The following FAM181A variants were observed in gnomAD, a reference collection of about 807,000 sequenced individuals.
FAM181A encodes family with sequence similarity 181 member A, also known as protein FAM181A.
A neutral mutation model predicts 16.3 loss-of-function variants in FAM181A; 7 were observed. The observed-to-expected ratio is 0.43, with a 90% CI of 0.24 to 0.81. The LOEUF (loss-of-function observed/expected upper bound fraction) is 0.81, where lower values mean the gene tolerates loss of function less well. Ranked by LOEUF, FAM181A falls within the 30% of genes least tolerant of loss-of-function variation. The probability of loss-of-function intolerance (pLI) is 0.24; values close to 1 mark genes in which losing one functional copy is unlikely to be tolerated. For missense variants in FAM181A, 349 were observed against 377.5 expected (o/e 0.92, Z 0.63); for synonymous variants, 183 against 164.9 (o/e 1.11, Z -0.84).
upstream of FAM181A, among the ~76,000 whole-genome samples, chr14:93,923,046 C>T (rs1159390964): frequency 6.6e-6 from 1 of 152,090 alleles, no homozygotes; most frequent in Non-Finnish European, 1.5e-5. Context: ...ACAATCTCAG[C>T]TCACTGCAAC....
At chr14:93,921,424 G>T (rs567762832) in intron 1 of FAM181A, among the ~76,000 whole-genome samples, 2 of 152,292 alleles carry the variant, frequency 1.3e-5, no homozygotes, top group East Asian at 3.9e-4. Flanking sequence ...GCCACACCAG[G>T]CAACTTCACC....
upstream of FAM181A, among the ~76,000 whole-genome samples, chr14:93,924,687 G>A (rs1000047764): frequency 6.6e-6 from 1 of 152,222 alleles, no homozygotes; most frequent in Non-Finnish European, 1.5e-5. Context: ...GAGAAAATCT[G>A]GTCTTCCTGG....
upstream of FAM181A, chr14:93,922,472 C>G (rs1307589133): frequency 6.6e-6 from 1 of 152,004 alleles, no homozygotes; most frequent in Non-Finnish European, 1.5e-5. Flanking sequence ...GGCGGATCAC[C>G]TGAGGTCAGG....
In FAM181A at chr14:93,929,022, C is replaced by T; in HGVS notation, c.737C>T (p.Pro246Leu). 1 of 1,607,140 alleles carries T rather than the reference C, an allele frequency of 6.2e-7. No individual in the cohort carries two copies. Among genetic ancestry groups the T allele is most frequent in the Non-Finnish European group, 8.5e-7 (1 of 1,175,904 alleles). ...VPSLGLWRKS[P>L]AFPGELAHLC... Reference sequence around the variant, plus strand: ...AGCCTGGGCCTTTGGAGGAAGAGCCCAGCCTTTCCCGGGGAGCTGGCGCAC... The same window carrying T: ...AGCCTGGGCCTTTGGAGGAAGAGCCTAGCCTTTCCCGGGGAGCTGGCGCAC... The change falls in exon 2 of 2, where the codon CCA becomes CTA. Residue 246 changes from proline (P) to leucine (L), a missense_variant. Transcript: ENST00000556222.
At chr14:93,921,660 G>A (rs929549572) in intron 1 of FAM181A, among the ~76,000 whole-genome samples, 2 of 152,228 alleles carry the variant, frequency 1.3e-5, no homozygotes, top group African/African-American at 4.8e-5. Context: ...TCCTCCGCGT[G>A]GCCTTTGTTA....
chr14:93,920,416 AAAG>A (rs1476617687), intron 1 of FAM181A, among the ~76,000 whole-genome samples: 3 of 152,078 alleles, frequency 2.0e-5, no homozygotes, highest in African/African-American at 4.8e-5. Flanking sequence ...TGTCTCAAAA[AAAG>A]AAGAAAGAAA....
At chr14:93,925,170 C>G, upstream of FAM181A, 1 of 1,057,126 alleles carries the variant, frequency 9.5e-7, no homozygotes, top group Non-Finnish European at 1.4e-6. Context: ...AAAGGAGAGA[C>G]AGCTTCATGA....
upstream of FAM181A, chr14:93,927,331 C>T: frequency 2.7e-6 from 3 of 1,093,340 alleles, no homozygotes; most frequent in Non-Finnish European, 3.4e-6. Context: ...TCCATTCAGC[C>T]CACTCAAGGG....
chr14:93,924,870 G>A (rs1253196891), upstream of FAM181A, among the ~76,000 whole-genome samples: 2 of 152,200 alleles, frequency 1.3e-5, no homozygotes, highest in African/African-American at 4.8e-5. Flanking sequence ...ATTTGTCAGG[G>A]CAACCACAAC....
At chr14:93,927,062 C>CACACACA (rs1415891809), upstream of FAM181A, 7 of 33,688 alleles carry the variant, frequency 2.1e-4, 1 homozygote, top group South Asian at 7.1e-4. Flanking sequence ...ACACACACAC[C>CACACACA]CCACCCCCTT....
In FAM181A at chr14:93,927,645, C is replaced by A. The variant is rs1189838601; in HGVS notation, c.-88+191C>A. The A allele has an allele frequency of 9.4e-6, 12 of 1,282,596 alleles. No homozygotes were observed. In the East Asian group the frequency reaches 6.8e-4, roughly 72 times the overall value. The allele number at this position is 1,282,596 out of a possible 1,614,324, so 79.5% of individuals were successfully genotyped here. ...CCGCAAGGCAGGTCTCGATTAAGTG[C>A]CAGACAGGGGTCCTGCCTGGTCCTG... On this transcript the variant is annotated intron_variant, in intron 1 of 1. Coordinates refer to ENST00000556222, the MANE Select transcript of FAM181A (RefSeq NM_001207073.2).
chr14:93,929,137 C>A lies in FAM181A; in HGVS notation c.852C>A (p.Pro284=). 1 of 1,520,976 alleles carries A rather than the reference C, an allele frequency of 6.6e-7. No individual in the cohort carries two copies. Among genetic ancestry groups the A allele is most frequent in the Non-Finnish European group, 8.8e-7 (1 of 1,136,282 alleles). The allele number at this position is 1,520,976 out of a possible 1,614,324, so 94.2% of individuals were successfully genotyped here. ...PIPTKPAVPP[P]IFNVFGYL ...CCACCAAGCCAGCCGTGCCCCCACC[C>A]ATCTTCAATGTCTTTGGCTACCTCT... The change falls in exon 2 of 2, where the codon CCC becomes CCA. Residue 284 remains proline, a synonymous_variant. Transcript: ENST00000556222.
chr14:93,928,818 G>A lies in FAM181A; in HGVS notation c.533G>A (p.Gly178Glu). 6.2e-7 allele frequency: 1 copy of A among 1,614,010 alleles called. No individual in the cohort carries two copies. The change falls in exon 2 of 2, where the codon GGA becomes GAA. Residue 178 changes from glycine (G) to glutamate (E), a missense_variant. Transcript: ENST00000556222. ...KKNCKGLEPL[G>E]PETTLVSMSP... Reference sequence around the variant, plus strand: ...AATTGCAAGGGCTTGGAGCCCCTGGGACCTGAGACTACCCTGGTGTCCATG... The same window carrying A: ...AATTGCAAGGGCTTGGAGCCCCTGGAACCTGAGACTACCCTGGTGTCCATG...
chr14:93,928,056 A>G, intron 1 of FAM181A, 143 bp from the exon 2 acceptor site: 1 of 1,341,310 alleles, frequency 7.5e-7, no homozygotes, highest in Non-Finnish European at 1.0e-6. Context: ...AGCCACTTGC[A>G]CCCACATCCC....
Position 93,928,831 on chromosome 14 carries a change from C to T in FAM181A, c.546C>T (p.Thr182=), listed in dbSNP as rs1168804333. The T allele has an allele frequency of 3.1e-6, 5 of 1,613,932 alleles. No individual in the cohort carries two copies. Among genetic ancestry groups the T allele is most frequent in the Non-Finnish European group, 4.2e-6 (5 of 1,179,952 alleles). The part of the protein sequence containing the change: ...KGLEPLGPET[T]LVSMSPRALA... ...TGGAGCCCCTGGGACCTGAGACTACCCTGGTGTCCATGTCTCCAAGGGCCC... is the reference window on the plus strand; with the variant it reads ...TGGAGCCCCTGGGACCTGAGACTACTCTGGTGTCCATGTCTCCAAGGGCCC... Residue 182 remains threonine (T), a synonymous_variant, in exon 2 of 2, where the codon ACC becomes ACT. Coordinates refer to ENST00000556222, the MANE Select transcript of FAM181A (RefSeq NM_001207073.2).
At chr14:93,922,427 A>C (rs1411760173), upstream of FAM181A, 1 of 152,180 alleles carries the variant, frequency 6.6e-6, no homozygotes, top group Non-Finnish European at 1.5e-5. Flanking sequence ...TGGTAGCTGA[A>C]AGCTGTAATC....
rs571368703 is a variant in FAM181A, at chr14:93,928,748, G to T, written c.463G>T (p.Gly155Trp). The T allele has an allele frequency of 4.2e-5, 68 of 1,613,986 alleles. No individual in the cohort carries two copies. Among genetic ancestry groups the T allele is most frequent in the Non-Finnish European group, 5.6e-5 (66 of 1,179,960 alleles). ...PTHSYHVGLE[G>W]GLGPREGPPY... ...CCACAGCTACCATGTGGGGCTGGAG[G>T]GGGGACTGGGCCCCAGGGAGGGACC... Residue 155 changes from glycine (G) to tryptophan (W), a missense_variant, in exon 2 of 2, where the codon GGG (glycine) becomes TGG (tryptophan). Transcript: ENST00000556222.
chr14:93,927,236 G>T (rs1887942378), upstream of FAM181A: 1 of 982,954 alleles, frequency 1.0e-6, no homozygotes, highest in South Asian at 4.3e-5. Context: ...TGGGAACGGG[G>T]CGCCGCCGCC....
chr14:93,926,501 T>C (rs1887911405), upstream of FAM181A: 1 of 152,216 alleles, frequency 6.6e-6, no homozygotes, highest in South Asian at 2.1e-4. The surrounding 1 kb of genome is among the most constrained non-coding windows in gnomAD (Gnocchi z 5.2). Context: ...CACCTCTTTC[T>C]CCATCATGAC....
Sources: allele counts gnomAD v4.1 joint callset (sites outside exome capture counted in the v4.1 genomes callset), GRCh38; gene constraint gnomAD v4.1.1; non-coding constraint Gnocchi (gnomAD v3.1); transcripts MANE v1.5; gene names NCBI Gene and HGNC (gene_info 2026-07-23, HGNC 2026-07-21).